Variants in VPS41 observed in about 807,000 individuals in gnomAD.
VPS41 encodes VPS41 subunit of HOPS complex.
Under a neutral mutation model 130.9 loss-of-function variants are expected in VPS41, and 85 were observed. The ratio of observed to expected loss-of-function variants is 0.65; its 90% CI spans 0.55 to 0.78. VPS41 has a LOEUF of 0.78. VPS41 is among the 30% of genes least tolerant of loss of function. The pLI is 0.00. For missense variants in VPS41, 874 were observed against 1,018.7 expected (o/e 0.86, Z 1.93); for synonymous variants, 335 against 332.9 (o/e 1.01, Z -0.07).
In VPS41 at chr7:38,813,813, T is replaced by A. The variant is rs542339964; in HGVS notation, c.450+4004A>T. Among the ~76,000 whole-genome samples, 17 of 152,288 alleles carry A rather than the reference T, an allele frequency of 1.1e-4. No homozygotes were observed. In the South Asian group the frequency reaches 3.3e-3, roughly 30 times the overall value. ...GTTTTTATTTTACTCTCATGTTATATACATATAAACTTTTTTTCTGTATGC... is the reference window on the plus strand; with the variant it reads ...GTTTTTATTTTACTCTCATGTTATAAACATATAAACTTTTTTTCTGTATGC... On this transcript the variant is annotated intron_variant, in intron 7 of 28. Transcript: ENST00000310301.
intron 9 of VPS41, among the ~76,000 whole-genome samples, chr7:38,793,024 A>G (rs1784561754): frequency 1.3e-5 from 2 of 152,114 alleles, no homozygotes; most frequent in Admixed American, 6.5e-5. Flanking sequence ...ACCAAACAAC[A>G]TATTAGTTAT....
intron 27 of VPS41, 95 bp downstream of exon 27, chr7:38,728,447 T>C (rs544736581): frequency 1.6e-4 from 207 of 1,318,478 alleles, no homozygotes; most frequent in South Asian, 5.5e-4. Flanking sequence ...GAAAGTTATA[T>C]AGTTTTATAA....
chr7:38,899,539 A>G (rs1167319022), intron 1 of VPS41, among the ~76,000 whole-genome samples: 2 of 152,206 alleles, frequency 1.3e-5, no homozygotes, highest in African/African-American at 4.8e-5. Context: ...TCTTGTGGAC[A>G]TAGTCCACTT....
intron 18 of VPS41, among the ~76,000 whole-genome samples, chr7:38,757,365 A>G (rs1003904552): frequency 1.3e-5 from 2 of 152,182 alleles, no homozygotes; most frequent in African/African-American, 4.8e-5. Context: ...TATTCAGCTG[A>G]CAAATGGCTA....
chr7:38,855,707 T>C (rs1343563828), intron 4 of VPS41, among the ~76,000 whole-genome samples: 1 of 152,214 alleles, frequency 6.6e-6, no homozygotes, highest in Non-Finnish European at 1.5e-5. Context: ...ACACACTTCC[T>C]TCCCTGATAC....
At chr7:38,754,972 C>T (rs1183021222) in intron 19 of VPS41, 36 bp from the exon 20 acceptor site, 6 of 1,603,714 alleles carry the variant, frequency 3.7e-6, no homozygotes, top group Non-Finnish European at 5.1e-6. Flanking sequence ...TCAATGAAAT[C>T]CGTTATTTAA....
chr7:38,847,374 C>A lies in VPS41; in HGVS notation c.246+15171G>T, dbSNP rs368609481. On this transcript the variant is annotated intron_variant, in intron 4 of 28. Transcript: ENST00000310301. ...CCACAGGGCATCTATCACTACAGTT[C>A]CAGAAAACAAAATTCTTCCTTTTTT... 4.6e-5 allele frequency among the ~76,000 whole-genome samples: 7 copies of A among 152,220 alleles called. No individual in the cohort carries two copies. In the South Asian group the frequency reaches 6.2e-4, roughly 14 times the overall value.
intron 21 of VPS41, among the ~76,000 whole-genome samples, chr7:38,753,136 C>A (rs966263234): frequency 6.6e-6 from 1 of 152,056 alleles, no homozygotes; most frequent in Non-Finnish European, 1.5e-5. Flanking sequence ...TAAACAAAAA[C>A]CCCACAATCT....
intron 4 of VPS41, among the ~76,000 whole-genome samples, chr7:38,838,912 T>C (rs1785551491): frequency 6.6e-6 from 1 of 152,212 alleles, no homozygotes. Context: ...CTCCTCATCA[T>C]CCCACCTTAA....
At chr7:38,860,123 C>A (rs1286428595) in intron 4 of VPS41, among the ~76,000 whole-genome samples, 1 of 152,106 alleles carries the variant, frequency 6.6e-6, no homozygotes, top group Non-Finnish European at 1.5e-5. Context: ...ATGGGAATAA[C>A]CTCAGTGTCA....
At chr7:38,769,486 T>C (rs1030437119) in intron 14 of VPS41, among the ~76,000 whole-genome samples, 1 of 152,188 alleles carries the variant, frequency 6.6e-6, no homozygotes, top group Non-Finnish European at 1.5e-5. Context: ...CAAATTTCTT[T>C]CCTGGGCTCC....
intron 10 of VPS41, among the ~76,000 whole-genome samples, chr7:38,787,428 C>G (rs555974944): frequency 6.6e-6 from 1 of 152,092 alleles, no homozygotes. Context: ...CTATTTTTAA[C>G]AATGCAATTT....
chr7:38,862,642 G>A lies in VPS41; in HGVS notation c.169-20C>T. 3 of 1,521,002 alleles carry A rather than the reference G, an allele frequency of 2.0e-6. No individual in the cohort carries two copies. The highest frequency in any genetic ancestry group is 1.8e-6 in the Non-Finnish European group (2 of 1,106,122). 94.2% of individuals were successfully genotyped at this position (1,521,002 alleles called of 1,614,324 possible). On this transcript the variant is annotated intron_variant, in intron 3 of 28. Coordinates refer to ENST00000310301, the MANE Select transcript of VPS41 (RefSeq NM_014396.4). ...CAAAAACTGTAAGAAGAACAAAGAG[G>A]CCAGTTAATTAATTAATAATACTAT...
chr7:38,767,920 C>T (rs758313728), intron 14 of VPS41, among the ~76,000 whole-genome samples: 9 of 152,058 alleles, frequency 5.9e-5, no homozygotes, highest in African/African-American at 1.2e-4. Context: ...GAAACATGAT[C>T]GAACAATTCC....
At chr7:38,831,459 G>A in intron 4 of VPS41, 1 of 269,538 alleles carries the variant, frequency 3.7e-6, no homozygotes, top group South Asian at 3.8e-5. Context: ...ACTGCAGTAA[G>A]TTCTACTGGA....
At chr7:38,898,774 A>G (rs890784236) in intron 1 of VPS41, among the ~76,000 whole-genome samples, 3 of 152,356 alleles carry the variant, frequency 2.0e-5, no homozygotes, top group East Asian at 1.9e-4. Context: ...TGATCCTGCT[A>G]ATCTCTCACC....
intron 2 of VPS41, among the ~76,000 whole-genome samples, chr7:38,881,707 G>A (rs1786612688): frequency 6.6e-6 from 1 of 152,098 alleles, no homozygotes; most frequent in South Asian, 2.1e-4. Context: ...GCGAGGAGTG[G>A]TCCTTGTTTC....
intron 4 of VPS41, among the ~76,000 whole-genome samples, chr7:38,843,410 C>T (rs955826630): frequency 1.3e-5 from 2 of 152,128 alleles, no homozygotes; most frequent in Non-Finnish European, 2.9e-5. Flanking sequence ...TGGCCGGGCG[C>T]GGTGGCTCAT....
intron 10 of VPS41, among the ~76,000 whole-genome samples, chr7:38,778,788 C>G (rs1217033077): frequency 6.6e-6 from 1 of 152,174 alleles, no homozygotes; most frequent in Non-Finnish European, 1.5e-5. Flanking sequence ...GTATTCTCCC[C>G]ACTTGGGATG....
Sources: gnomAD v4.1 joint callset for allele counts (sites outside exome capture counted in the v4.1 genomes callset) on GRCh38, gnomAD v4.1.1 for gene constraint, MANE v1.5 for transcripts, NCBI Gene and HGNC (gene_info 2026-07-23, HGNC 2026-07-21) for gene names.